The following SRGAP1 variants were observed in gnomAD, a reference collection of about 807,000 sequenced individuals.
SRGAP1 encodes SLIT-ROBO Rho GTPase activating protein 1, also known as SLIT-ROBO Rho GTPase-activating protein 1.
In SRGAP1, 43 loss-of-function variants were observed where a neutral mutation model predicts 121.9. The observed-to-expected ratio is 0.35, with a 90% CI of 0.28 to 0.46. The LOEUF (loss-of-function observed/expected upper bound fraction) is 0.46, where lower values mean the gene tolerates loss of function less well. Among genes scored for constraint, SRGAP1 ranks in the 20% least tolerant of loss-of-function variants. SRGAP1 has a pLI of 1.00. For synonymous variants in SRGAP1, 447 were observed against 485.4 expected, an observed-to-expected ratio of 0.92 and a Z score of 1.04; for missense variants, 1,102 against 1,350.9, an observed-to-expected ratio of 0.82 and a Z score of 2.89.
intron 1 of SRGAP1, among the ~76,000 whole-genome samples, chr12:63,875,627 TTTTGATTGG>T (rs1900005739): frequency 6.6e-6 from 1 of 152,186 alleles, no homozygotes; most frequent in East Asian, 1.9e-4. Context: ...TAGATATCCT[TTTTGATTGG>T]TTCTAAGATT....
rs557675514 is a variant in SRGAP1 at position 63,884,280 on chromosome 12, G to T, written c.67+39397G>T. Among the ~76,000 whole-genome samples, 8 of 152,010 alleles carry T rather than the reference G, an allele frequency of 5.3e-5. No homozygotes were observed. In the South Asian group the frequency reaches 1.7e-3, roughly 32 times the overall value. ...AGCCTGGGTGATGGAGTAAGACTCCGACTCAAAAAAAGGAAGTATGGAGAG... is the reference window on the plus strand; with the variant it reads ...AGCCTGGGTGATGGAGTAAGACTCCTACTCAAAAAAAGGAAGTATGGAGAG... On this transcript the variant is annotated intron_variant, in intron 1 of 21. Transcript: ENST00000355086.
chr12:63,914,487 A>C (rs2030692229), intron 1 of SRGAP1, among the ~76,000 whole-genome samples: 1 of 152,196 alleles, frequency 6.6e-6, no homozygotes, highest in Non-Finnish European at 1.5e-5. Context: ...ACTACAATTT[A>C]ATATTGTCAA....
At chr12:64,121,740 T>C (rs2036608900) in intron 18 of SRGAP1, among the ~76,000 whole-genome samples, 1 of 152,224 alleles carries the variant, frequency 6.6e-6, no homozygotes, top group Non-Finnish European at 1.5e-5. Context: ...AACATGAATC[T>C]CACCATCATG....
In SRGAP1 at chr12:64,130,017, G is replaced by A. The variant is rs58953764; in HGVS notation, c.2880+1817G>A. ...TTGTTGTTGTTGTTGTTTTCCTGGC[G>A]GAGTGACCCAAACCTTCATTCCTGA... On this transcript the variant is annotated intron_variant, in intron 21 of 21. Transcript: ENST00000355086. 2.4e-3 allele frequency among the ~76,000 whole-genome samples: 353 copies of A among 144,664 alleles called. 2 individuals carry two copies. The highest frequency in any genetic ancestry group is 8.0e-3 in the African/African-American group (321 of 40,102). 94.9% of individuals were successfully genotyped at this position (144,664 alleles called of 152,430 possible).
Position 64,152,058 on chromosome 12 carries a change from T to C in SRGAP1, c.*9386T>C, listed in dbSNP as rs1214109056. The C allele has an allele frequency of 1.3e-5, 2 of 152,196 alleles. No individual in the cohort carries two copies. Among genetic ancestry groups the C allele is most frequent in the Non-Finnish European group, 2.9e-5 (2 of 68,028 alleles). The allele number at this position is 152,196 out of a possible 1,614,324, so 9.4% of individuals were successfully genotyped here. On this transcript the variant is annotated 3_prime_UTR_variant, in exon 22 of 22. Transcript: ENST00000355086. Reference sequence around the variant, plus strand: ...TATCTACACTGCTGCCAATAAATCATCTTTCTCAAAAACAAAATGAGAAAC... The same window carrying C: ...TATCTACACTGCTGCCAATAAATCACCTTTCTCAAAAACAAAATGAGAAAC...
At chr12:63,867,999 A>G (rs560029825) in intron 1 of SRGAP1, among the ~76,000 whole-genome samples, 21 of 138,358 alleles carry the variant, frequency 1.5e-4, no homozygotes, top group Admixed American at 2.9e-4. Context: ...TTACATCATC[A>G]TTAAGAGAAT....
At chr12:63,856,112 G>A (rs1334916420) in intron 1 of SRGAP1, among the ~76,000 whole-genome samples, 3 of 152,208 alleles carry the variant, frequency 2.0e-5, no homozygotes, top group African/African-American at 7.2e-5. Flanking sequence ...ACAAAAATTA[G>A]CTGGGCATGG....
At chr12:64,090,510 G>A (rs12302132) in intron 11 of SRGAP1, among the ~76,000 whole-genome samples, 23,805 of 152,134 alleles carry the variant, frequency 0.16, 2,420 homozygotes, top group African/African-American at 0.26. Flanking sequence ...TTCCATTACT[G>A]CTGGAGGGGT....
intron 1 of SRGAP1, among the ~76,000 whole-genome samples, chr12:63,963,275 G>T (rs557877707): frequency 6.6e-6 from 1 of 152,106 alleles, no homozygotes; most frequent in Admixed American, 6.6e-5. Flanking sequence ...TATCTCCATG[G>T]CATATTTTTC....
At chr12:63,906,507 G>T (rs2030217602) in intron 1 of SRGAP1, among the ~76,000 whole-genome samples, 1 of 151,986 alleles carries the variant, frequency 6.6e-6, no homozygotes, top group African/African-American at 2.4e-5. Flanking sequence ...TAGAGACGGG[G>T]TTTCACCGTG....
intron 21 of SRGAP1, among the ~76,000 whole-genome samples, chr12:64,141,952 T>C (rs1485872174): frequency 6.6e-6 from 1 of 152,118 alleles, no homozygotes. Flanking sequence ...TTCACACCAC[T>C]GCACTCTGCC....
At chr12:64,057,654 C>T (rs550675991) in intron 6 of SRGAP1, among the ~76,000 whole-genome samples, 21 of 152,090 alleles carry the variant, frequency 1.4e-4, no homozygotes, top group Admixed American at 3.3e-4. Flanking sequence ...TTTAGAATGA[C>T]CAAAGCCAGG....
chr12:63,905,647 A>G (rs776136928), intron 1 of SRGAP1, among the ~76,000 whole-genome samples: 15 of 152,238 alleles, frequency 9.9e-5, no homozygotes, highest in Non-Finnish European at 1.9e-4. Context: ...AGTACTTGCT[A>G]TATGTAAGCC....
intron 1 of SRGAP1, among the ~76,000 whole-genome samples, chr12:63,855,473 G>GT (rs781701925): frequency 0.1 from 5,368 of 52,902 alleles, 1,151 homozygotes; most frequent in Non-Finnish European, 0.12. Context: ...GAAAAATGGT[G>GT]TTTTTTTTTT....
chr12:64,086,688 G>T, intron 10 of SRGAP1, among the ~76,000 whole-genome samples: 1 of 133,880 alleles, frequency 7.5e-6, no homozygotes, highest in African/African-American at 2.8e-5. Flanking sequence ...TGGGCTTACA[G>T]TTATGATCAA....
Position 63,844,908 on chromosome 12 carries a change from C to T in SRGAP1, c.67+25C>T, listed in dbSNP as rs745895570. 6.8e-6 allele frequency: 11 copies of T among 1,609,356 alleles called. No individual in the cohort carries two copies. In the South Asian group the frequency reaches 1.1e-4, roughly 16 times the overall value. ...GGTAAGGATGGGAGCGGCTGCCTTG[C>T]TCCTTTTGTGTGCCTTCTTGTCATT... On this transcript the variant is annotated intron_variant, in intron 1 of 21. Transcript: ENST00000355086. This position sits in a 1 kb window ranked among gnomAD's most constrained non-coding sequence, Gnocchi z 4.3.
chr12:63,968,033 G>A (rs2032836932), intron 1 of SRGAP1, among the ~76,000 whole-genome samples: 1 of 152,140 alleles, frequency 6.6e-6, no homozygotes, highest in African/African-American at 2.4e-5. Context: ...TGGCATCCAA[G>A]TTACAAATAC....
At chr12:64,074,192 C>T (rs746131854) in intron 8 of SRGAP1, among the ~76,000 whole-genome samples, 1 of 152,184 alleles carries the variant, frequency 6.6e-6, no homozygotes, top group Non-Finnish European at 1.5e-5. Flanking sequence ...CATTCCCACT[C>T]TTACTTCGTT....
At chr12:63,900,496 T>C (rs61933086) in intron 1 of SRGAP1, among the ~76,000 whole-genome samples, 22,714 of 151,718 alleles carry the variant, frequency 0.15, 1,849 homozygotes, top group Middle Eastern at 0.21. Flanking sequence ...GAGCCACCTG[T>C]GCCCGGCCAT....
Sources: gnomAD v4.1 joint callset for allele counts (sites outside exome capture counted in the v4.1 genomes callset) on GRCh38, gnomAD v4.1.1 for gene constraint, Gnocchi (gnomAD v3.1) non-coding constraint, MANE v1.5 for transcripts, NCBI Gene and HGNC (gene_info 2026-07-23, HGNC 2026-07-21) for gene names.